The following UBE2G1 variants were observed in gnomAD, a reference collection of about 807,000 sequenced individuals.
UBE2G1 encodes the protein ubiquitin-conjugating enzyme E2 G1.
A neutral mutation model predicts 22.7 loss-of-function variants in UBE2G1; 5 were observed. That is an observed-to-expected ratio of 0.22 (90% CI 0.12 to 0.46). The LOEUF is 0.46. Among genes scored for constraint, UBE2G1 ranks in the 20% least tolerant of loss-of-function variants. The probability of loss-of-function intolerance (pLI) is 0.99; values close to 1 mark genes in which losing one functional copy is unlikely to be tolerated. For missense variants in UBE2G1, 88 were observed against 203.9 expected, an observed-to-expected ratio of 0.43 and a Z score of 3.46; for synonymous variants, 74 against 67.5, an observed-to-expected ratio of 1.10 and a Z score of -0.47.
At chr17:4,280,714 C>G (rs996510182) in intron 5 of UBE2G1, among the ~76,000 whole-genome samples, 7 of 147,858 alleles carry the variant, frequency 4.7e-5, no homozygotes, top group Non-Finnish European at 7.5e-5. Flanking sequence ...CTCGGCTCAC[C>G]GCAACCTCCG....
At chr17:4,290,448 C>T (rs948113454) in intron 3 of UBE2G1, among the ~76,000 whole-genome samples, 7 of 152,008 alleles carry the variant, frequency 4.6e-5, no homozygotes, top group Non-Finnish European at 8.8e-5. Flanking sequence ...TCAACAAATT[C>T]TTATTTTTTG....
intron 1 of UBE2G1, among the ~76,000 whole-genome samples, chr17:4,311,945 C>T (rs1018598872): frequency 3.3e-5 from 5 of 152,064 alleles, no homozygotes; most frequent in African/African-American, 7.2e-5. Context: ...ACAAAAAATA[C>T]ATTGCTTTAA....
intron 1 of UBE2G1, among the ~76,000 whole-genome samples, chr17:4,350,847 A>G (rs911252005): frequency 2.0e-5 from 3 of 151,924 alleles, no homozygotes; most frequent in Non-Finnish European, 4.4e-5. Context: ...CCTGGCTAAC[A>G]TGGTGAAACC....
At chr17:4,359,840 AG>A (rs757415658) in intron 1 of UBE2G1, among the ~76,000 whole-genome samples, 18 of 148,946 alleles carry the variant, frequency 1.2e-4, no homozygotes, top group Non-Finnish European at 6.0e-5. Context: ...CGACAGAACA[AG>A]GCTCCATCTC....
intron 2 of UBE2G1, among the ~76,000 whole-genome samples, chr17:4,298,353 G>T (rs896761978): frequency 1.3e-5 from 2 of 151,980 alleles, no homozygotes; most frequent in African/African-American, 4.8e-5. Flanking sequence ...AAAAATTGGG[G>T]GTGTGTTTGT....
rs141136737 is a variant in UBE2G1 at position 4,344,135 on chromosome 17, T to A, written c.46+22136A>T. 2.4e-3 allele frequency among the ~76,000 whole-genome samples: 359 copies of A among 152,200 alleles called. 1 individual carries two copies. The highest frequency in any genetic ancestry group is 8.3e-3 in the African/African-American group (344 of 41,518). ...ATTCTCAATCAATCGTAAAGCAAGTTCATAGGAGGAATAAATTGCATACCA... is the reference window on the plus strand; with the variant it reads ...ATTCTCAATCAATCGTAAAGCAAGTACATAGGAGGAATAAATTGCATACCA... On this transcript the variant is annotated intron_variant, in intron 1 of 5. Coordinates refer to ENST00000396981, the MANE Select transcript of UBE2G1 (RefSeq NM_003342.5).
At chr17:4,328,852 C>CG (rs1340525131) in intron 1 of UBE2G1, among the ~76,000 whole-genome samples, 1 of 152,036 alleles carries the variant, frequency 6.6e-6, no homozygotes, top group Non-Finnish European at 1.5e-5. Flanking sequence ...TTTGGGAGGC[C>CG]GGGGCGGGCA....
rs1261955100 is a variant in UBE2G1, at chr17:4,270,411, T to C, written c.*2143A>G. The C allele has an allele frequency of 6.6e-6, 1 of 152,176 alleles. No homozygotes were observed. The highest frequency in any genetic ancestry group is 1.5e-5 in the Non-Finnish European group (1 of 68,058). 9.4% of individuals were successfully genotyped at this position (152,176 alleles called of 1,614,324 possible). On this transcript the variant is annotated 3_prime_UTR_variant, in exon 6 of 6. Transcript: ENST00000396981. ...AGAATTTTTTTGTATTAGCCAGGCATGGTGGCATACACCTGTAGTCCTAGC... is the reference window on the plus strand; with the variant it reads ...AGAATTTTTTTGTATTAGCCAGGCACGGTGGCATACACCTGTAGTCCTAGC...
chr17:4,320,885 T>C (rs1165496585), intron 1 of UBE2G1, among the ~76,000 whole-genome samples: 1 of 151,730 alleles, frequency 6.6e-6, no homozygotes, highest in Non-Finnish European at 1.5e-5. Context: ...CCCTCAAATA[T>C]AAATAATGCT....
chr17:4,352,168 T>A (rs1057085968), intron 1 of UBE2G1, among the ~76,000 whole-genome samples: 5 of 152,204 alleles, frequency 3.3e-5, no homozygotes, highest in Non-Finnish European at 7.3e-5. Flanking sequence ...CCCCAGGACC[T>A]AAGTAGAAAA....
rs1167904057 is a variant in UBE2G1 at position 4,360,048 on chromosome 17, T to C, written c.46+6223A>G. Among the ~76,000 whole-genome samples, 6 of 152,150 alleles carry C rather than the reference T, an allele frequency of 3.9e-5. No homozygotes were observed. In the East Asian group the frequency reaches 1.2e-3, roughly 29 times the overall value. On this transcript the variant is annotated intron_variant, in intron 1 of 5. Coordinates refer to ENST00000396981, the MANE Select transcript of UBE2G1 (RefSeq NM_003342.5). The stretch of plus-strand genomic sequence containing the variant: ...ATATTCATTACCAAAATTTGGAAAA[T>C]GTTTGCTTTTTCTGATTTGTACTTT...
At chr17:4,274,678 T>G (rs1968801193) in intron 5 of UBE2G1, among the ~76,000 whole-genome samples, 1 of 152,168 alleles carries the variant, frequency 6.6e-6, no homozygotes, top group African/African-American at 2.4e-5. Context: ...TGAAATGTAC[T>G]AAGTAACAAA....
chr17:4,325,438 A>AT, intron 1 of UBE2G1, among the ~76,000 whole-genome samples: 1 of 152,234 alleles, frequency 6.6e-6, no homozygotes, highest in Non-Finnish European at 1.5e-5. Flanking sequence ...TGTATCACAC[A>AT]TATGTACACT....
intron 1 of UBE2G1, among the ~76,000 whole-genome samples, chr17:4,356,183 C>T (rs1597267456): frequency 6.6e-6 from 1 of 150,840 alleles, no homozygotes; most frequent in South Asian, 2.1e-4. Flanking sequence ...TGGAGAAACC[C>T]CGTCTCTACT....
intron 2 of UBE2G1, among the ~76,000 whole-genome samples, chr17:4,303,773 G>C (rs950443530): frequency 2.0e-5 from 3 of 152,074 alleles, no homozygotes; most frequent in Non-Finnish European, 4.4e-5. Flanking sequence ...TCAGAGTTTT[G>C]GTTAACTGAT....
intron 1 of UBE2G1, among the ~76,000 whole-genome samples, chr17:4,317,332 A>G (rs1969387073): frequency 6.6e-6 from 1 of 152,200 alleles, no homozygotes; most frequent in Non-Finnish European, 1.5e-5. Flanking sequence ...CCTAGGCGAC[A>G]AGAGCGAGAC....
intron 1 of UBE2G1, among the ~76,000 whole-genome samples, chr17:4,341,215 C>T (rs1488397199): frequency 6.6e-6 from 1 of 152,118 alleles, no homozygotes; most frequent in Non-Finnish European, 1.5e-5. Context: ...CAATTTCAGT[C>T]AACGCTTACT....
intron 1 of UBE2G1, among the ~76,000 whole-genome samples, chr17:4,322,937 CAGG>C (rs1969459346): frequency 6.6e-6 from 1 of 151,980 alleles, no homozygotes; most frequent in African/African-American, 2.4e-5. Context: ...AGGAGAGAAA[CAGG>C]AGAATTTGGT....
intron 5 of UBE2G1, among the ~76,000 whole-genome samples, chr17:4,281,076 T>C (rs1968883350): frequency 1.3e-5 from 2 of 152,176 alleles, no homozygotes; most frequent in Non-Finnish European, 1.5e-5. Flanking sequence ...AGAGAACCTC[T>C]TACAGTACAT....
Sources: allele counts gnomAD v4.1 joint callset (sites outside exome capture counted in the v4.1 genomes callset), GRCh38; gene constraint gnomAD v4.1.1; transcripts MANE v1.5; gene names NCBI Gene and HGNC (gene_info 2026-07-23, HGNC 2026-07-21).